Variants in XPO1 observed in about 807,000 individuals in gnomAD.
The protein encoded by XPO1 is exportin 1, also known as exportin-1.
A neutral mutation model predicts 133.3 loss-of-function variants in XPO1; 5 were observed. That is an observed-to-expected ratio of 0.04 (90% confidence interval 0.02 to 0.08). The LOEUF (loss-of-function observed/expected upper bound fraction) is 0.08. XPO1 is among the 10% of genes least tolerant of loss of function. The pLI is 1.00. For synonymous variants in XPO1, 419 were observed against 408.2 expected, an observed-to-expected ratio of 1.03 and a Z score of -0.32; for missense variants, 506 against 1,267.5, an observed-to-expected ratio of 0.40 and a Z score of 9.12.
At chr2:61,532,035 T>C (rs969429883) in intron 2 of XPO1, among the ~76,000 whole-genome samples, 1 of 152,238 alleles carries the variant, frequency 6.6e-6, no homozygotes, top group East Asian at 1.9e-4. Context: ...ATGATGCTTT[T>C]TGGACTACTA....
At chr2:61,524,537 A>G (rs972035303) in intron 3 of XPO1, among the ~76,000 whole-genome samples, 1 of 152,230 alleles carries the variant, frequency 6.6e-6, no homozygotes, top group Admixed American at 6.5e-5. Context: ...AAAGGAATAC[A>G]TCTGTTACTA....
intron 20 of XPO1, chr2:61,485,223 T>C (rs1258484206): frequency 6.6e-6 from 1 of 152,388 alleles, no homozygotes; most frequent in Non-Finnish European, 1.5e-5. Flanking sequence ...TATAAGCATA[T>C]ACTACACTTT....
At chr2:61,530,484 T>G (rs940811323) in intron 2 of XPO1, among the ~76,000 whole-genome samples, 1 of 152,138 alleles carries the variant, frequency 6.6e-6, no homozygotes, top group Non-Finnish European at 1.5e-5. Context: ...TGCTAAGCAA[T>G]AGAGTTCAAG....
chr2:61,515,034 A>T (rs1279973823), intron 4 of XPO1, among the ~76,000 whole-genome samples: 1 of 146,882 alleles, frequency 6.8e-6, no homozygotes, highest in Non-Finnish European at 1.5e-5. Flanking sequence ...ATGACACTGC[A>T]CTCCAGCCTG....
chr2:61,535,199 C>A (rs1446133015), intron 1 of XPO1, among the ~76,000 whole-genome samples: 1 of 152,210 alleles, frequency 6.6e-6, no homozygotes, highest in East Asian at 1.9e-4. Flanking sequence ...TTCTTCAAAG[C>A]CAATGCCACT....
chr2:61,483,158 C>T (rs780077589), intron 21 of XPO1, 67 bp from the exon 22 acceptor site: 44 of 1,512,482 alleles, frequency 2.9e-5, no homozygotes, highest in Non-Finnish European at 3.8e-5. Flanking sequence ...GTATTTAGCT[C>T]TTATCAAAGT....
intron 16 of XPO1, 131 bp from the exon 17 acceptor site, chr2:61,490,907 T>A: frequency 8.8e-7 from 1 of 1,140,306 alleles, no homozygotes; most frequent in Non-Finnish European, 1.2e-6. Context: ...GTAATCCCAA[T>A]ACTTTGAGAA....
At chr2:61,499,399 C>G (rs541851712) in intron 7 of XPO1, among the ~76,000 whole-genome samples, 3 of 152,252 alleles carry the variant, frequency 2.0e-5, no homozygotes, top group African/African-American at 7.2e-5. Flanking sequence ...GGCAATAGAG[C>G]AAGACTTGTC....
intron 4 of XPO1, among the ~76,000 whole-genome samples, chr2:61,506,377 C>T (rs1474659378): frequency 6.6e-6 from 1 of 152,122 alleles, no homozygotes; most frequent in Non-Finnish European, 1.5e-5. Flanking sequence ...GAGCTGAGAT[C>T]GCGCCACTGC....
intron 3 of XPO1, 179 bp downstream of exon 3, chr2:61,526,241 C>G: frequency 2.1e-6 from 3 of 1,403,262 alleles, no homozygotes; most frequent in Non-Finnish European, 2.8e-6. Flanking sequence ...AAACTTCATT[C>G]ATAATTCTTA....
In XPO1 at chr2:61,492,312, G is replaced by A. The variant is rs1697038573; in HGVS notation, c.1723+13C>T. On this transcript the variant is annotated intron_variant, in intron 15 of 24. Coordinates refer to ENST00000401558, the MANE Select transcript of XPO1 (RefSeq NM_003400.4). This position sits in a 1 kb window ranked among gnomAD's most constrained non-coding sequence, Gnocchi z 5.6. ...AAAAATAAAAGCAAAATATAGTAAA[G>A]AAAGAGATTTACCATGCATGAATTC... is the stretch of plus-strand genomic sequence containing the variant. The A allele has an allele frequency of 6.3e-7, 1 of 1,584,098 alleles. No homozygotes were observed. Among genetic ancestry groups the A allele is most frequent in the Non-Finnish European group, 8.5e-7 (1 of 1,171,854 alleles).
At chr2:61,513,902 C>T (rs759657411) in intron 4 of XPO1, among the ~76,000 whole-genome samples, 2 of 151,998 alleles carry the variant, frequency 1.3e-5, no homozygotes, top group African/African-American at 4.8e-5. Context: ...GCAAAATTGG[C>T]GGGGCATGGT....
At chr2:61,534,516 C>G (rs1422147347) in intron 1 of XPO1, 1 of 152,186 alleles carries the variant, frequency 6.6e-6, no homozygotes, top group Non-Finnish European at 1.5e-5. Context: ...AACCCCGTCT[C>G]TACTAAAAAT....
intron 6 of XPO1, among the ~76,000 whole-genome samples, chr2:61,500,230 C>T (rs1396846139): frequency 2.0e-5 from 3 of 151,992 alleles, no homozygotes; most frequent in African/African-American, 7.3e-5. Context: ...TGCCTGTAAT[C>T]CCAGCACTTT....
rs868189064 is a variant in XPO1, at chr2:61,505,092, C to G, written c.302-2782G>C. Among the ~76,000 whole-genome samples the G allele has an allele frequency of 6.0e-4, 92 of 152,316 alleles. 1 individual carries two copies. The Middle Eastern group carries it at 0.01, about 17-fold the overall frequency. On this transcript the variant is annotated intron_variant, in intron 4 of 24. Transcript: ENST00000401558. The stretch of plus-strand genomic sequence containing the variant: ...GTGGTGCCATCACAGCTCACTGCAG[C>G]CTTGAACTTCTGGACTCAAGCGATC...
Position 61,493,987 on chromosome 2 carries a change from ACT to A in XPO1, c.1150_1151del (p.Pro385IlefsTer16). Reference sequence around the variant, plus strand: ...ACGGAGAGGCAGATGTAGAGAATGGACTCTCTCTATAGAGTTCAGCAGCCAAA... The same window carrying A: ...ACGGAGAGGCAGATGTAGAGAATGGACTCTCTATAGAGTTCAGCAGCCAAA... Reference protein sequence around the residue: ...NHLAAELYRESPFSTSASPLL... With the variant: ...NHLAAELYREXPFSTSASPLL... On this transcript the variant is annotated frameshift_variant, in exon 12 of 25. Coordinates refer to ENST00000401558, the MANE Select transcript of XPO1 (RefSeq NM_003400.4). LOFTEE classifies it high-confidence loss of function. 6.2e-7 allele frequency: 1 copy of A among 1,613,972 alleles called. No homozygotes were observed. Among genetic ancestry groups the A allele is most frequent in the East Asian group, 2.2e-5 (1 of 44,870 alleles).
At chr2:61,503,675 C>T (rs377512621) in intron 4 of XPO1, among the ~76,000 whole-genome samples, 2 of 152,168 alleles carry the variant, frequency 1.3e-5, no homozygotes, top group East Asian at 1.9e-4. Flanking sequence ...CTGCCTGCCT[C>T]GGCCTCCCAA....
At chr2:61,495,198 A>T (rs1376601076) in intron 11 of XPO1, among the ~76,000 whole-genome samples, 1 of 152,162 alleles carries the variant, frequency 6.6e-6, no homozygotes, top group African/African-American at 2.4e-5. Context: ...GGTCTTTGAA[A>T]TTTTAACCTT....
chr2:61,493,768 C>T (rs1172047154), intron 12 of XPO1, 126 bp downstream of exon 12: 14 of 1,010,818 alleles, frequency 1.4e-5, no homozygotes, highest in South Asian at 3.1e-5. Context: ...GTTTTCCACA[C>T]TCATGGAGAA....
Sources: gnomAD v4.1 joint callset for allele counts (sites outside exome capture counted in the v4.1 genomes callset) on GRCh38, gnomAD v4.1.1 for gene constraint, Gnocchi (gnomAD v3.1) non-coding constraint, MANE v1.5 for transcripts, NCBI Gene and HGNC (gene_info 2026-07-23, HGNC 2026-07-21) for gene names.